Variants in TENM3 observed in about 807,000 individuals in gnomAD.
The protein encoded by TENM3 is teneurin-3.
In TENM3, 63 loss-of-function variants were observed where a neutral mutation model predicts 255.1. The observed-to-expected ratio is 0.25, with a 90% CI of 0.20 to 0.30. TENM3 has a LOEUF of 0.30. Among genes scored for constraint, TENM3 ranks in the 10% least tolerant of loss-of-function variants. TENM3 has a pLI of 1.00. For synonymous variants in TENM3, 1,306 were observed against 1,322.3 expected, an observed-to-expected ratio of 0.99 and a Z score of 0.27; for missense variants, 2,929 against 3,461.1, an observed-to-expected ratio of 0.85 and a Z score of 3.86.
chr4:181,997,542 C>T, the TENM3 span, among the ~76,000 whole-genome samples: 9 of 151,912 alleles, frequency 5.9e-5, no homozygotes, highest in African/African-American at 1.7e-4. Flanking sequence ...ATGAAAGGCC[C>T]GATCAAAACA....
the TENM3 span, among the ~76,000 whole-genome samples, chr4:181,766,852 C>G: frequency 6.6e-6 from 1 of 151,796 alleles, no homozygotes; most frequent in Non-Finnish European, 1.5e-5. Flanking sequence ...CTCCAAAACA[C>G]CACCACAAAG....
chr4:182,101,590 G>A, the TENM3 span, among the ~76,000 whole-genome samples: 1 of 152,140 alleles, frequency 6.6e-6, no homozygotes, highest in South Asian at 2.1e-4. Context: ...GTAGTGAGGA[G>A]AATGTTGGTT....
chr4:181,600,441 CA>C, the TENM3 span, among the ~76,000 whole-genome samples: 2 of 152,258 alleles, frequency 1.3e-5, no homozygotes, highest in East Asian at 3.9e-4. Flanking sequence ...CTGGCCCTGG[CA>C]CTTTTGAGAG....
chr4:182,680,437 A>AGC, intron 9 of TENM3, 88 bp downstream of exon 9: 1 of 1,112,438 alleles, frequency 9.0e-7, no homozygotes, highest in South Asian at 1.3e-5. Context: ...CAGGAAAGAA[A>AGC]GGGGGGGGGA....
intron 3 of TENM3, among the ~76,000 whole-genome samples, chr4:182,569,361 C>T (rs1355301056): frequency 6.6e-6 from 1 of 151,990 alleles, no homozygotes; most frequent in Non-Finnish European, 1.5e-5. Context: ...TCGACACCAG[C>T]CTGGCCAACG....
intron 5 of TENM3, among the ~76,000 whole-genome samples, chr4:182,650,889 A>AAAAAAAAAATATATATATATATATAT (rs1281790163): frequency 6.7e-5 from 2 of 29,774 alleles, no homozygotes; most frequent in Non-Finnish European, 1.1e-4. Context: ...AATAAAAAAA[A>AAAAAAAAAATATATATATATATATAT]ATATATATAT....
At chr4:182,645,168 AAG>A (rs1254871648) in intron 5 of TENM3, among the ~76,000 whole-genome samples, 4 of 151,890 alleles carry the variant, frequency 2.6e-5, no homozygotes, top group Admixed American at 2.0e-4. Context: ...ATGAACAGAA[AAG>A]AGAAACCCAG....
the TENM3 span, among the ~76,000 whole-genome samples, chr4:181,626,039 G>A: frequency 3.1e-3 from 465 of 152,208 alleles, 1 homozygote; most frequent in Middle Eastern, 0.031. Context: ...GTTTTTCTAT[G>A]ATGTCATGTG....
intron 5 of TENM3, among the ~76,000 whole-genome samples, chr4:182,651,881 G>A (rs1464839506): frequency 1.3e-5 from 2 of 152,170 alleles, no homozygotes; most frequent in Non-Finnish European, 2.9e-5. Context: ...AATGTGGACT[G>A]TTAATAGAAT....
chr4:182,471,728 T>C (rs922587991), intron 3 of TENM3, among the ~76,000 whole-genome samples: 2 of 152,074 alleles, frequency 1.3e-5, no homozygotes, highest in African/African-American at 4.8e-5. Flanking sequence ...TGTCATGAAA[T>C]AGTGTACTTA....
At chr4:182,200,843 G>C (rs973858614) in intron 1 of TENM3, among the ~76,000 whole-genome samples, 1 of 42,834 alleles carries the variant, frequency 2.3e-5, no homozygotes, top group Non-Finnish European at 5.2e-5. Flanking sequence ...TTTTTTTTTT[G>C]AGATGGAGTC....
chr4:181,986,341 C>G, the TENM3 span, among the ~76,000 whole-genome samples: 18 of 151,980 alleles, frequency 1.2e-4, no homozygotes, highest in South Asian at 6.2e-4. Context: ...GATGCCACCC[C>G]ATTCAGCATT....
chr4:182,753,053 TCTTCTGCCTCAGCCTC>T (rs1762487730), intron 20 of TENM3, among the ~76,000 whole-genome samples: 1 of 151,454 alleles, frequency 6.6e-6, no homozygotes, highest in Non-Finnish European at 1.5e-5. Context: ...TTCAAGCCAT[TCTTCTGCCTCAGCCTC>T]CCGAATAGCT....
At chr4:182,304,698 A>G (rs2150385724) in intron 1 of TENM3, among the ~76,000 whole-genome samples, 1 of 152,298 alleles carries the variant, frequency 6.6e-6, no homozygotes, top group South Asian at 2.1e-4. Flanking sequence ...ATGATGGCAC[A>G]ATAAAAGTTC....
chr4:181,663,441 C>A, the TENM3 span, among the ~76,000 whole-genome samples: 1 of 152,132 alleles, frequency 6.6e-6, no homozygotes, highest in African/African-American at 2.4e-5. Flanking sequence ...AATCTTATAG[C>A]ACAAATAATT....
chr4:181,864,838 C>T, the TENM3 span, among the ~76,000 whole-genome samples: 3 of 152,256 alleles, frequency 2.0e-5, no homozygotes, highest in East Asian at 3.9e-4. Flanking sequence ...TTACAGAGGG[C>T]ACCCTCCTTT....
At chr4:182,624,341 G>A (rs544699388) in intron 4 of TENM3, among the ~76,000 whole-genome samples, 21 of 152,290 alleles carry the variant, frequency 1.4e-4, no homozygotes, top group East Asian at 3.9e-4. Flanking sequence ...GGACTACGTC[G>A]TTGGCCATGG....
chr4:181,461,889 T>C, the TENM3 span, among the ~76,000 whole-genome samples: 24 of 152,248 alleles, frequency 1.6e-4, no homozygotes, highest in Middle Eastern at 3.4e-3. Flanking sequence ...ATATGAGTCA[T>C]ATTTTCCTGC....
At chr4:181,971,285 C>T in the TENM3 span, among the ~76,000 whole-genome samples, 1 of 152,212 alleles carries the variant, frequency 6.6e-6, no homozygotes, top group African/African-American at 2.4e-5. Flanking sequence ...CCTTCATACT[C>T]TGTACCTAGC....
Sources: allele counts gnomAD v4.1 joint callset (sites outside exome capture counted in the v4.1 genomes callset), GRCh38; gene constraint gnomAD v4.1.1; transcripts MANE v1.5; gene names NCBI Gene and HGNC (gene_info 2026-07-23, HGNC 2026-07-21).